KLF13: variants seen among roughly 807,000 people sequenced by gnomAD.
The protein encoded by KLF13 is Krueppel-like factor 13.
In KLF13, 8 loss-of-function variants were observed where a neutral mutation model predicts 16.7. The ratio of observed to expected loss-of-function variants is 0.48; its 90% CI spans 0.28 to 0.87. KLF13 has a LOEUF of 0.87. KLF13 is among the 40% of genes least tolerant of loss of function. The pLI is 0.10. For missense variants in KLF13, 447 were observed against 452.2 expected, an observed-to-expected ratio of 0.99 and a Z score of 0.10; for synonymous variants, 245 against 208.4, an observed-to-expected ratio of 1.18 and a Z score of -1.51.
intron 1 of KLF13, among the ~76,000 whole-genome samples, chr15:31,348,500 G>A (rs577290362): frequency 6.6e-6 from 1 of 152,302 alleles, no homozygotes; most frequent in African/African-American, 2.4e-5. Flanking sequence ...CAGGACTGTT[G>A]CTTGGCCTGG....
intron 1 of KLF13, among the ~76,000 whole-genome samples, chr15:31,336,105 C>T (rs1435074731): frequency 6.6e-6 from 1 of 152,264 alleles, no homozygotes; most frequent in Non-Finnish European, 1.5e-5. Context: ...ACACTGGACA[C>T]ACATGGGAGG....
chr15:31,346,014 C>T (rs1337298912), intron 1 of KLF13, among the ~76,000 whole-genome samples: 1 of 152,048 alleles, frequency 6.6e-6, no homozygotes, highest in Non-Finnish European at 1.5e-5. Context: ...GTGTGCCCCT[C>T]TGTGCCGGCA....
chr15:31,428,788 G>A (rs181916025), intron 1 of KLF13, among the ~76,000 whole-genome samples: 3 of 99,662 alleles, frequency 3.0e-5, no homozygotes, highest in African/African-American at 1.2e-4. Context: ...GGGCGAAAGA[G>A]TGAGACTCTA....
chr15:31,373,705 G>C lies in KLF13; in HGVS notation c.*1406G>C, dbSNP rs1023799269. On this transcript the variant is annotated 3_prime_UTR_variant, in exon 2 of 2. Coordinates refer to ENST00000307145, the MANE Select transcript of KLF13 (RefSeq NM_015995.4). ...CTGGGCTGGGATTCGAGCCCTGGGC[G>C]GGGGTCAGTCAAGCCGTGGTCCAGC... 1 of 152,184 alleles carries C rather than the reference G, an allele frequency of 6.6e-6. No homozygotes were observed. Among genetic ancestry groups the C allele is most frequent in the African/African-American group, 2.4e-5 (1 of 41,422 alleles). 9.4% of individuals were successfully genotyped at this position (152,184 alleles called of 1,614,324 possible). A position where few individuals can be genotyped will look rare whatever the true frequency, so the allele number is the denominator to read the frequency against.
intron 1 of KLF13, among the ~76,000 whole-genome samples, chr15:31,360,983 T>G (rs776638787): frequency 1.3e-5 from 2 of 152,136 alleles, no homozygotes; most frequent in African/African-American, 2.4e-5. Flanking sequence ...TTGTTTTGAG[T>G]GCGCTGCCTG....
At chr15:31,413,479 G>T (rs2040220760) in intron 1 of KLF13, among the ~76,000 whole-genome samples, 1 of 152,098 alleles carries the variant, frequency 6.6e-6, no homozygotes, top group South Asian at 2.1e-4. Flanking sequence ...AGAGAAAAAT[G>T]ACATATCCCT....
chr15:31,395,529 G>C (rs150065725), intron 2 of KLF13, among the ~76,000 whole-genome samples: 1 of 152,074 alleles, frequency 6.6e-6, no homozygotes, highest in East Asian at 1.9e-4. Context: ...GGGATTACTG[G>C]GTCATGTAGC....
At chr15:31,399,135 A>G (rs949619599) in intron 2 of KLF13, among the ~76,000 whole-genome samples, 1 of 152,128 alleles carries the variant, frequency 6.6e-6, no homozygotes, top group East Asian at 1.9e-4. Context: ...AGAGGAGCTG[A>G]GCTCCCTCTG....
intron 1 of KLF13, among the ~76,000 whole-genome samples, chr15:31,356,941 G>A (rs1481526989): frequency 6.6e-6 from 1 of 152,136 alleles, no homozygotes; most frequent in African/African-American, 2.4e-5. Context: ...CTTTCTTCAC[G>A]ATCACCTCAC....
intron 1 of KLF13, among the ~76,000 whole-genome samples, chr15:31,413,614 T>A (rs2040223001): frequency 6.6e-6 from 1 of 152,092 alleles, no homozygotes; most frequent in Non-Finnish European, 1.5e-5. Flanking sequence ...CCTATATACA[T>A]CACAGCTATA....
downstream of KLF13, among the ~76,000 whole-genome samples, chr15:31,405,399 G>T (rs1049508584): frequency 2.0e-5 from 3 of 152,208 alleles, no homozygotes; most frequent in African/African-American, 7.2e-5. Context: ...AGAAGACTGC[G>T]GTCTACGAAC....
intron 1 of KLF13, among the ~76,000 whole-genome samples, chr15:31,332,862 A>G (rs2038856393): frequency 6.6e-6 from 1 of 152,322 alleles, no homozygotes; most frequent in South Asian, 2.1e-4. Context: ...AAGAAGCCCT[A>G]CAGTCAACCA....
chr15:31,365,769 C>T (rs985505131), intron 1 of KLF13, among the ~76,000 whole-genome samples: 22 of 152,038 alleles, frequency 1.4e-4, no homozygotes, highest in African/African-American at 2.9e-4. Context: ...AGCTGGAGCA[C>T]GCACACTCCT....
chr15:31,364,485 C>G (rs1276238363), intron 1 of KLF13, among the ~76,000 whole-genome samples: 1 of 152,242 alleles, frequency 6.6e-6, no homozygotes, highest in Non-Finnish European at 1.5e-5. Flanking sequence ...TACTGGGCGG[C>G]TCACAAACAT....
intron 2 of KLF13, among the ~76,000 whole-genome samples, chr15:31,396,867 T>C (rs1415438934): frequency 6.6e-6 from 1 of 152,156 alleles, no homozygotes; most frequent in African/African-American, 2.4e-5. Context: ...GATGTTACAG[T>C]CTTTGTTTTA....
chr15:31,388,438 C>T (rs141237203), upstream of KLF13, among the ~76,000 whole-genome samples: 291 of 151,722 alleles, frequency 1.9e-3, 1 homozygote, highest in African/African-American at 6.9e-3. Context: ...ATGGAGAAAC[C>T]CTGTCTCTCC....
downstream of KLF13, among the ~76,000 whole-genome samples, chr15:31,378,758 G>GC (rs1481303629): frequency 6.6e-6 from 1 of 152,042 alleles, no homozygotes; most frequent in Non-Finnish European, 1.5e-5. Context: ...CGTTGCTGTC[G>GC]CCGAGGCTGG....
chr15:31,397,794 A>G (rs1370139961), intron 2 of KLF13, among the ~76,000 whole-genome samples: 1 of 147,906 alleles, frequency 6.8e-6, no homozygotes, highest in African/African-American at 2.5e-5. Flanking sequence ...GATGAACTAC[A>G]CAGATGAGGA....
chr15:31,329,241 G>T (rs1325113793), intron 1 of KLF13, among the ~76,000 whole-genome samples: 2 of 151,298 alleles, frequency 1.3e-5, no homozygotes, highest in African/African-American at 4.9e-5. Flanking sequence ...TCAGAGTTCA[G>T]CTCGGGACGC....
Sources: gnomAD v4.1 joint callset for allele counts (sites outside exome capture counted in the v4.1 genomes callset) on GRCh38, gnomAD v4.1.1 for gene constraint, MANE v1.5 for transcripts, NCBI Gene and HGNC (gene_info 2026-07-23, HGNC 2026-07-21) for gene names.